TSPAN2: variants seen among roughly 807,000 people sequenced by gnomAD.
TSPAN2 encodes tetraspanin-2.
In TSPAN2, 24 loss-of-function variants were observed where a neutral mutation model predicts 33.3. That is an observed-to-expected ratio of 0.72 (90% confidence interval 0.52 to 1.01). The LOEUF (loss-of-function observed/expected upper bound fraction) is 1.01. Ranked by LOEUF, TSPAN2 falls within the 50% of genes least tolerant of loss-of-function variation. The pLI is 0.00. For missense variants in TSPAN2, 278 were observed against 281.3 expected (o/e 0.99, Z 0.08); for synonymous variants, 114 against 104.5 (o/e 1.09, Z -0.56).
chr1:115,069,601 T>A (rs11102882), intron 2 of TSPAN2, among the ~76,000 whole-genome samples: 57,255 of 152,102 alleles, frequency 0.38, 11,168 homozygotes, highest in South Asian at 0.55. Flanking sequence ...GACTGGACTC[T>A]GGTCACATCA....
At chr1:115,053,139 T>C (rs891514818) in intron 7 of TSPAN2, among the ~76,000 whole-genome samples, 3 of 152,196 alleles carry the variant, frequency 2.0e-5, no homozygotes, top group African/African-American at 7.2e-5. Context: ...GGGAAGTTAA[T>C]AACAATGACA....
chr1:115,075,232 C>A (rs1439476186), intron 1 of TSPAN2, among the ~76,000 whole-genome samples: 2 of 152,190 alleles, frequency 1.3e-5, no homozygotes, highest in Non-Finnish European at 2.9e-5. Context: ...AATTTAAAGC[C>A]ATTGGGCAAT....
At chr1:115,065,210 G>A (rs924624465) in intron 2 of TSPAN2, among the ~76,000 whole-genome samples, 5 of 152,170 alleles carry the variant, frequency 3.3e-5, no homozygotes, top group Non-Finnish European at 5.9e-5. Flanking sequence ...TTCCCTGGGC[G>A]TGCCGGATCC....
intron 1 of TSPAN2, among the ~76,000 whole-genome samples, chr1:115,079,139 A>C (rs796771939): frequency 2.3e-4 from 8 of 34,190 alleles, no homozygotes; most frequent in African/African-American, 7.7e-4. Context: ...TTATAGCGCC[A>C]CACACACACA....
chr1:115,087,919 C>T (rs1648904146), intron 1 of TSPAN2, among the ~76,000 whole-genome samples: 1 of 152,168 alleles, frequency 6.6e-6, no homozygotes. Flanking sequence ...AAGAATTCCT[C>T]CTCAGGCTTA....
chr1:115,082,538 ATTC>A (rs919851754), intron 1 of TSPAN2, among the ~76,000 whole-genome samples: 1 of 152,260 alleles, frequency 6.6e-6, no homozygotes, highest in Non-Finnish European at 1.5e-5. Context: ...AGTGCTTACT[ATTC>A]TTCAAGTTTT....
At chr1:115,081,634 T>G (rs1648628588) in intron 1 of TSPAN2, among the ~76,000 whole-genome samples, 1 of 152,308 alleles carries the variant, frequency 6.6e-6, no homozygotes, top group South Asian at 2.1e-4. Flanking sequence ...ACTTAACCTC[T>G]CTAACCCCAG....
intron 6 of TSPAN2, among the ~76,000 whole-genome samples, chr1:115,054,687 T>C (rs937361272): frequency 5.3e-5 from 8 of 152,128 alleles, no homozygotes; most frequent in Admixed American, 6.5e-5. Context: ...TGCCCTTCTC[T>C]GTTGAAAGTT....
intron 1 of TSPAN2, among the ~76,000 whole-genome samples, chr1:115,073,370 C>CT (rs528203434): frequency 1.1e-4 from 17 of 152,194 alleles, no homozygotes; most frequent in Non-Finnish European, 2.2e-4. Context: ...TTGTCCCTTG[C>CT]TGGGCATGTT....
In TSPAN2 at chr1:115,053,435, T is replaced by C; in HGVS notation, c.544A>G (p.Ile182Val). The change falls in exon 7 of 8, where the codon ATC becomes GTC. Residue 182 changes from isoleucine (I) to valine (V), a missense_variant. Physicochemically the swap from Ile to Val is conservative, Grantham distance 29. Coordinates refer to ENST00000369516, the MANE Select transcript of TSPAN2 (RefSeq NM_005725.6). ...CCAATGAGCTGGAGCTTAACACTGA[T>C]TATGGTCTCAATTTCATCGATGCAA... ...KNCIDEIETI[I>V]SVKLQLIGIV... The C allele has an allele frequency of 6.2e-7, 1 of 1,613,920 alleles. No homozygotes were observed. Among genetic ancestry groups the C allele is most frequent in the Non-Finnish European group, 8.5e-7 (1 of 1,179,862 alleles).
intron 1 of TSPAN2, among the ~76,000 whole-genome samples, chr1:115,082,981 C>T (rs1442947329): frequency 4.6e-5 from 7 of 152,138 alleles, no homozygotes; most frequent in Admixed American, 2.0e-4. Context: ...GGTGGGATAA[C>T]GCATATGAAA....
chr1:115,080,286 T>G (rs560364261), intron 1 of TSPAN2, among the ~76,000 whole-genome samples: 65 of 152,124 alleles, frequency 4.3e-4, no homozygotes, highest in Non-Finnish European at 5.3e-4. Context: ...GTAGTTTTCT[T>G]GCTTTTTATT....
rs116673023 is a variant in TSPAN2 at position 115,048,235 on chromosome 1, T to C, written c.*2255A>G. On this transcript the variant is annotated 3_prime_UTR_variant, in exon 8 of 8. Transcript: ENST00000369516. ...CATGTATATATTCAAATTATATACA[T>C]ATAAAGATATTTGTAGATTCAAGAT... The C allele has an allele frequency of 3.7e-3, 562 of 149,910 alleles. 3 individuals carry two copies. The highest frequency in any genetic ancestry group is 0.013 in the African/African-American group (537 of 41,092). 9.3% of individuals were successfully genotyped at this position (149,910 alleles called of 1,614,324 possible).
At chr1:115,074,416 G>A (rs1648314977) in intron 1 of TSPAN2, among the ~76,000 whole-genome samples, 1 of 152,196 alleles carries the variant, frequency 6.6e-6, no homozygotes, top group East Asian at 1.9e-4. Flanking sequence ...GTGAGGAGGA[G>A]TCAGAGGGGC....
At position 115,089,332 on chromosome 1, in the gene TSPAN2, C is replaced by T. The variant is rs1570990505; in HGVS notation, c.69+32G>A. 10 of 1,543,684 alleles carry T rather than the reference C, an allele frequency of 6.5e-6. No individual in the cohort carries two copies. The East Asian group carries it at 2.0e-4, about 30-fold the overall frequency. ...CCCGCGCCCGCCACCCGGCCCCCTG[C>T]CCTGACCGGCCCTCCCGGCTCCTGG... On this transcript the variant is annotated intron_variant, in intron 1 of 7. Transcript: ENST00000369516.
intron 1 of TSPAN2, among the ~76,000 whole-genome samples, chr1:115,083,662 A>G (rs888420394): frequency 9.2e-5 from 14 of 152,202 alleles, no homozygotes; most frequent in Non-Finnish European, 1.9e-4. Context: ...ATCTGTACGC[A>G]CGTTAAAGTT....
chr1:115,063,111 T>C lies in TSPAN2; in HGVS notation c.173-879A>G, dbSNP rs28673339. On this transcript the variant is annotated intron_variant, in intron 2 of 7. Coordinates refer to ENST00000369516, the MANE Select transcript of TSPAN2 (RefSeq NM_005725.6). Reference sequence around the variant, plus strand: ...TGTGGTAATGTGAGAAATGATATCATATTAAAAATAATAGTGTTGTTGGCC... The same window carrying C: ...TGTGGTAATGTGAGAAATGATATCACATTAAAAATAATAGTGTTGTTGGCC... Among the ~76,000 whole-genome samples, 660 of 152,348 alleles carry C rather than the reference T, an allele frequency of 4.3e-3. 7 individuals carry two copies. The highest frequency in any genetic ancestry group is 0.015 in the African/African-American group (614 of 41,578).
chr1:115,073,270 G>C (rs1240846156), intron 1 of TSPAN2, among the ~76,000 whole-genome samples: 1 of 152,208 alleles, frequency 6.6e-6, no homozygotes, highest in East Asian at 1.9e-4. Flanking sequence ...CTGCCCTGTG[G>C]TTATGGGGCA....
At position 115,062,117 on chromosome 1, in the gene TSPAN2, C is replaced by G. The variant is rs199971928; in HGVS notation, c.270+18G>C. On this transcript the variant is annotated intron_variant, in intron 3 of 7. Transcript: ENST00000369516. ...TCCCTCACCCCCACCCCACCATTTA[C>G]CCCCTCGCCCCACTTACTGATCCAA... is the stretch of plus-strand genomic sequence containing the variant. 9.2e-6 allele frequency: 10 copies of G among 1,091,614 alleles called. No homozygotes were observed. The highest frequency in any genetic ancestry group is 1.6e-5 in the African/African-American group (1 of 63,350). The allele number at this position is 1,091,614 out of a possible 1,614,324, so 67.6% of individuals were successfully genotyped here.
Sources: gnomAD v4.1 joint callset for allele counts (sites outside exome capture counted in the v4.1 genomes callset) on GRCh38, gnomAD v4.1.1 for gene constraint, MANE v1.5 for transcripts, NCBI Gene and HGNC (gene_info 2026-07-23, HGNC 2026-07-21) for gene names.